Variants in HOOK3 observed in about 807,000 individuals in gnomAD.
HOOK3 encodes the protein protein Hook homolog 3.
Under a neutral mutation model 116.3 loss-of-function variants are expected in HOOK3, and 24 were observed. The ratio of observed to expected loss-of-function variants is 0.21; its 90% CI spans 0.15 to 0.29. The LOEUF (loss-of-function observed/expected upper bound fraction) is 0.29, where lower values mean the gene tolerates loss of function less well. Ranked by LOEUF, HOOK3 falls within the 10% of genes least tolerant of loss-of-function variation. The pLI, the probability that HOOK3 is intolerant of heterozygous loss-of-function variation, is 1.00. For synonymous variants in HOOK3, 275 were observed against 283.0 expected, an observed-to-expected ratio of 0.97 and a Z score of 0.28; for missense variants, 632 against 830.2, an observed-to-expected ratio of 0.76 and a Z score of 2.93.
intron 5 of HOOK3, among the ~76,000 whole-genome samples, chr8:42,946,370 C>T (rs946987961): frequency 6.6e-6 from 1 of 152,018 alleles, no homozygotes; most frequent in Non-Finnish European, 1.5e-5. Context: ...TAGGAAAGAC[C>T]TAGGTTATCT....
rs750631654 is a variant in HOOK3 at position 42,966,615 on chromosome 8, T to TA, written c.920+7dup. 3 of 1,613,754 alleles carry TA rather than the reference T, an allele frequency of 1.9e-6. No homozygotes were observed. Among genetic ancestry groups the TA allele is most frequent in the South Asian group, 2.2e-5 (2 of 91,062 alleles). ...GAAAGATGAGATCGACGTGCTGAGG[T>TA]AAAAACCTCACCTTCACCGCCCAGC... On this transcript the variant is annotated splice_region_variant and intron_variant, in intron 10 of 21. Transcript: ENST00000307602.
At chr8:43,009,838 C>T (rs565030472) in intron 18 of HOOK3, among the ~76,000 whole-genome samples, 22 of 152,230 alleles carry the variant, frequency 1.4e-4, no homozygotes, top group African/African-American at 4.6e-4. Flanking sequence ...TCTCCCCAGC[C>T]GCTAATAACT....
intron 15 of HOOK3, among the ~76,000 whole-genome samples, chr8:42,994,883 C>T (rs545804462): frequency 9.2e-5 from 14 of 152,250 alleles, no homozygotes; most frequent in African/African-American, 2.9e-4. Context: ...CAATGGCTTC[C>T]GCCTAGTTGG....
intron 1 of HOOK3, 179 bp downstream of exon 1, chr8:42,897,367 C>T: frequency 2.5e-6 from 1 of 399,812 alleles, no homozygotes; most frequent in Non-Finnish European, 4.3e-6. Flanking sequence ...GGGCCTGAGG[C>T]GTCGCTGTTC....
At chr8:42,956,107 G>C (rs990125333) in intron 6 of HOOK3, among the ~76,000 whole-genome samples, 2 of 152,070 alleles carry the variant, frequency 1.3e-5, no homozygotes, top group Admixed American at 1.3e-4. Flanking sequence ...AACAACAGAA[G>C]ACTGGGGCCA....
Position 43,024,127 on chromosome 8 carries a change from A to C in HOOK3, c.*5629A>C, listed in dbSNP as rs1303193880. 4.9e-6 allele frequency: 1 copy of C among 205,780 alleles called. No homozygotes were observed. The highest frequency in any genetic ancestry group is 9.9e-6 in the Non-Finnish European group (1 of 100,726). The allele number at this position is 205,780 out of a possible 1,614,324, so 12.7% of individuals were successfully genotyped here. ...CGTGGATAAGAACATCTTTGTTTCT[A>C]AAGTGAGAGGAAAGTGCTTGGTATC... On this transcript the variant is annotated 3_prime_UTR_variant, in exon 22 of 22. Coordinates refer to ENST00000307602, the MANE Select transcript of HOOK3 (RefSeq NM_032410.4).
At chr8:42,925,095 G>A (rs1008078550) in intron 2 of HOOK3, among the ~76,000 whole-genome samples, 5 of 151,790 alleles carry the variant, frequency 3.3e-5, no homozygotes, top group Non-Finnish European at 5.9e-5. Context: ...GTTTTTGTTC[G>A]GTTTTTTGTT....
intron 17 of HOOK3, among the ~76,000 whole-genome samples, chr8:43,007,270 G>A (rs1339078683): frequency 6.6e-6 from 1 of 152,064 alleles, no homozygotes; most frequent in Non-Finnish European, 1.5e-5. Flanking sequence ...CGCCTGCCAA[G>A]GCCTCCCAAA....
intron 2 of HOOK3, among the ~76,000 whole-genome samples, chr8:42,909,728 G>A (rs1221184316): frequency 6.6e-6 from 1 of 152,190 alleles, no homozygotes; most frequent in Non-Finnish European, 1.5e-5. Context: ...GCCTGACAAA[G>A]TGCTGAGATT....
chr8:43,009,206 AC>A (rs1186656067), intron 18 of HOOK3, among the ~76,000 whole-genome samples: 2 of 151,812 alleles, frequency 1.3e-5, no homozygotes, highest in Non-Finnish European at 2.9e-5. Context: ...GGAGTTTGAG[AC>A]CAGCCTGGGC....
chr8:42,908,206 A>G (rs1335051842), intron 2 of HOOK3, among the ~76,000 whole-genome samples: 1 of 152,264 alleles, frequency 6.6e-6, no homozygotes, highest in Non-Finnish European at 1.5e-5. Flanking sequence ...GTATTCATAG[A>G]TTAGAAGAAG....
Position 42,943,230 on chromosome 8 carries a change from G to T in HOOK3, c.268-83G>T, listed in dbSNP as rs1808161801. On this transcript the variant is annotated intron_variant, in intron 4 of 21. Transcript: ENST00000307602. ...CTCTGTCCTTGGCAATGAGTTTCTG[G>T]TAATAACAAACCTCGATCAAGTTTT... 5.7e-6 allele frequency: 5 copies of T among 878,602 alleles called. No homozygotes were observed. The South Asian group carries it at 1.0e-4, about 18-fold the overall frequency. 54.4% of individuals were successfully genotyped at this position (878,602 alleles called of 1,614,324 possible). A position where few individuals can be genotyped will look rare whatever the true frequency, so the allele number is the denominator to read the frequency against.
rs1389227243 is a variant in HOOK3 at position 42,930,009 on chromosome 8, ATATT to A, written c.217-110_217-107del. ...ATATGCTTTTGAATTTTATTTGTTA[ATATT>A]TACTTTATGATTAACTGCAGTGATT... On this transcript the variant is annotated intron_variant, in intron 3 of 21. Transcript: ENST00000307602. 3 of 875,018 alleles carry A rather than the reference ATATT, an allele frequency of 3.4e-6. No individual in the cohort carries two copies. In the African/African-American group the frequency reaches 5.3e-5, roughly 15 times the overall value. 54.2% of individuals were successfully genotyped at this position (875,018 alleles called of 1,614,324 possible).
chr8:42,964,702 C>T lies in HOOK3; in HGVS notation c.779+228C>T, dbSNP rs370478878. On this transcript the variant is annotated intron_variant, in intron 9 of 21. Transcript: ENST00000307602. Reference sequence around the variant, plus strand: ...ATTAGCCAGGCATGATGGCAGGTGCCTGTAATCCTAGCTACTCGGGAGGCT... The same window carrying T: ...ATTAGCCAGGCATGATGGCAGGTGCTTGTAATCCTAGCTACTCGGGAGGCT... Among the ~76,000 whole-genome samples, 12 of 152,108 alleles carry T rather than the reference C, an allele frequency of 7.9e-5. 1 individual carries two copies. Among genetic ancestry groups the T allele is most frequent in the African/African-American group, 2.9e-4 (12 of 41,484 alleles).
intron 17 of HOOK3, among the ~76,000 whole-genome samples, chr8:43,004,985 T>C (rs1809450620): frequency 6.6e-6 from 1 of 151,706 alleles, no homozygotes; most frequent in Non-Finnish European, 1.5e-5. Flanking sequence ...AATATGCAAA[T>C]GTTCACCAAT....
chr8:42,977,528 A>G (rs1475163600), intron 13 of HOOK3, among the ~76,000 whole-genome samples: 1 of 152,180 alleles, frequency 6.6e-6, no homozygotes, highest in Admixed American at 6.5e-5. Flanking sequence ...GATACCCCAA[A>G]ACATATTTAG....
In HOOK3 at chr8:43,008,349, G is replaced by C. The variant is rs185964322; in HGVS notation, c.1738+420G>C. Among the ~76,000 whole-genome samples the C allele has an allele frequency of 8.7e-4, 133 of 152,108 alleles. 1 individual carries two copies. Among genetic ancestry groups the C allele is most frequent in the African/African-American group, 2.9e-3 (122 of 41,480 alleles). ...TTTATTTTTGAGATAGGGTCTGGCT[G>C]TGTTGCCCAGACTGGAGTAAATGGT... On this transcript the variant is annotated intron_variant, in intron 18 of 21. Coordinates refer to ENST00000307602, the MANE Select transcript of HOOK3 (RefSeq NM_032410.4).
Position 43,029,516 on chromosome 8 carries a change from T to G in HOOK3, c.*11018T>G. The G allele has an allele frequency of 5.4e-6, 1 of 185,042 alleles. No individual in the cohort carries two copies. Among genetic ancestry groups the G allele is most frequent in the Non-Finnish European group, 1.1e-5 (1 of 87,264 alleles). 11.5% of individuals were successfully genotyped at this position (185,042 alleles called of 1,614,324 possible). A position where few individuals can be genotyped will look rare whatever the true frequency, so the allele number is the denominator to read the frequency against. On this transcript the variant is annotated 3_prime_UTR_variant, in exon 22 of 22. Coordinates refer to ENST00000307602, the MANE Select transcript of HOOK3 (RefSeq NM_032410.4). Reference sequence around the variant, plus strand: ...ATGCACTAAAATATCATCGCTGTCATGAACTTTGCTGTTTACAGGTTCTGT... The same window carrying G: ...ATGCACTAAAATATCATCGCTGTCAGGAACTTTGCTGTTTACAGGTTCTGT...
At chr8:43,017,815 C>T (rs1809752321) in intron 21 of HOOK3, among the ~76,000 whole-genome samples, 2 of 151,308 alleles carry the variant, frequency 1.3e-5, no homozygotes, top group African/African-American at 4.9e-5. Flanking sequence ...AGAAAGACCC[C>T]CTTCTCTCAT....
Sources: allele counts gnomAD v4.1 joint callset (sites outside exome capture counted in the v4.1 genomes callset), GRCh38; gene constraint gnomAD v4.1.1; transcripts MANE v1.5; gene names NCBI Gene and HGNC (gene_info 2026-07-23, HGNC 2026-07-21).